Variants in HSPG2 observed in about 807,000 individuals in gnomAD.
HSPG2 encodes the protein basement membrane-specific heparan sulfate proteoglycan core protein.
In HSPG2, 278 loss-of-function variants were observed where a neutral mutation model predicts 526.6. The observed-to-expected ratio is 0.53, with a 90% CI of 0.48 to 0.58. The LOEUF (loss-of-function observed/expected upper bound fraction) is 0.58, where lower values mean the gene tolerates loss of function less well. Ranked by LOEUF, HSPG2 falls within the 20% of genes least tolerant of loss-of-function variation. The probability of loss-of-function intolerance (pLI) is 0.00; values close to 1 mark genes in which losing one functional copy is unlikely to be tolerated. For missense variants in HSPG2, 5,354 were observed against 6,099.5 expected (o/e 0.88, Z 4.07); for synonymous variants, 2,465 against 2,555.4 (o/e 0.96, Z 1.07).
chr1:21,875,809 G>C, intron 24 of HSPG2, 54 bp downstream of exon 24: 1 of 1,608,728 alleles, frequency 6.2e-7, no homozygotes, highest in East Asian at 2.2e-5. Context: ...ATGCCGGAGA[G>C]GCAGGAGCAA....
chr1:21,936,168 G>A (rs368087766), intron 1 of HSPG2, among the ~76,000 whole-genome samples: 237 of 152,212 alleles, frequency 1.6e-3, no homozygotes, highest in African/African-American at 5.3e-3. Context: ...CTCCCCAGAT[G>A]TGCCCCCACC....
intron 33 of HSPG2, among the ~76,000 whole-genome samples, chr1:21,868,413 A>C (rs942786563): frequency 6.6e-6 from 1 of 152,224 alleles, no homozygotes; most frequent in Non-Finnish European, 1.5e-5. Context: ...ATCTAAGGCC[A>C]ATGCCAGCAC....
At position 21,898,207 on chromosome 1, in the gene HSPG2, C is replaced by G. The variant is rs1311348710; in HGVS notation, c.64-1897G>C. On this transcript the variant is annotated intron_variant, in intron 1 of 96. Transcript: ENST00000374695. This position sits in a 1 kb window ranked among gnomAD's most constrained non-coding sequence, Gnocchi z 4.0. Reference sequence around the variant, plus strand: ...CATCTCCTGTCCTAGGCTGTGAGCTCCCTGGATGGGGGAGTGGCTGGGTGC... The same window carrying G: ...CATCTCCTGTCCTAGGCTGTGAGCTGCCTGGATGGGGGAGTGGCTGGGTGC... Among the ~76,000 whole-genome samples, 2 of 152,218 alleles carry G rather than the reference C, an allele frequency of 1.3e-5. No individual in the cohort carries two copies. The highest frequency in any genetic ancestry group is 4.8e-5 in the African/African-American group (2 of 41,446).
At chr1:21,830,120 C>T (rs1311718825) in intron 85 of HSPG2, 29 bp from the exon 86 acceptor site, 1 of 1,542,604 alleles carries the variant, frequency 6.5e-7, no homozygotes, top group Non-Finnish European at 8.8e-7. Flanking sequence ...AGTGAAAAGA[C>T]ACGGAGGTGA....
Position 21,848,728 on chromosome 1 carries a change from AG to A in HSPG2, c.7651del (p.Leu2551TrpfsTer40). The A allele has an allele frequency of 6.2e-7, 1 of 1,613,908 alleles. No homozygotes were observed. Among genetic ancestry groups the A allele is most frequent in the Non-Finnish European group, 8.5e-7 (1 of 1,179,954 alleles). ...GCTGGCAACCAGGCAGTTGAGGTCCAGGGTGTGTCCATTGGCCAGGGAGGCT... is the reference window on the plus strand; with the variant it reads ...GCTGGCAACCAGGCAGTTGAGGTCCAGGTGTGTCCATTGGCCAGGGAGGCT... ...SSASLANGHT[L>X]DLNCLVASQA... On this transcript the variant is annotated frameshift_variant, in exon 59 of 97. Transcript: ENST00000374695. LOFTEE classifies it high-confidence loss of function. The surrounding 1 kb of genome is among the most constrained non-coding windows in gnomAD (Gnocchi z 4.9).
Position 21,848,272 on chromosome 1 carries a change from C to T in HSPG2, c.7738-179G>A, listed in dbSNP as rs151230539. Among the ~76,000 whole-genome samples, 378 of 152,256 alleles carry T rather than the reference C, an allele frequency of 2.5e-3. 2 individuals are homozygous for T. The highest frequency in any genetic ancestry group is 8.3e-3 in the African/African-American group (347 of 41,560). On this transcript the variant is annotated intron_variant, in intron 59 of 96. Transcript: ENST00000374695. This position sits in a 1 kb window ranked among gnomAD's most constrained non-coding sequence, Gnocchi z 4.9. ...CTCTGGGCTGGGGTGGACGTCTAGC[C>T]TTTTGTCACCCCTCCAGAAAGCCTG...
chr1:21,919,710 G>T (rs1247448185), intron 1 of HSPG2, among the ~76,000 whole-genome samples: 1 of 152,140 alleles, frequency 6.6e-6, no homozygotes, highest in African/African-American at 2.4e-5. Context: ...CAGATTCTGA[G>T]TCAGTAGGTC....
Position 21,850,071 on chromosome 1 carries a change from C to T in HSPG2, c.7416G>A (p.Lys2472=), listed in dbSNP as rs766308298. 1.9e-6 allele frequency: 3 copies of T among 1,613,502 alleles called. No homozygotes were observed. The South Asian group carries it at 3.3e-5, about 18-fold the overall frequency. The change falls in exon 57 of 97, where the codon AAG becomes AAA. Residue 2472 remains lysine (K), a synonymous_variant. Transcript: ENST00000374695. ...GCCGGGCCGGGAGGCTGCCCCCGCG[C>T]TTGTGCCACGTGACCTGGGCATGGG... ...GQAHAQVTWH[K]RGGSLPARHQ... is the part of the protein sequence containing the mutation.
At position 21,875,496 on chromosome 1, in the gene HSPG2, T is replaced by A. The variant is rs868349393; in HGVS notation, c.3302+133A>T. ...CCTGTATGGGAGACATTGTTAAGAC[T>A]CTCCGTTTTACAGACAGGGAAAGTG... On this transcript the variant is annotated intron_variant, in intron 25 of 96. Coordinates refer to ENST00000374695, the MANE Select transcript of HSPG2 (RefSeq NM_005529.7). 8.4e-5 allele frequency: 63 copies of A among 751,886 alleles called. No homozygotes were observed. The South Asian group carries it at 9.0e-4, about 11-fold the overall frequency. 46.6% of individuals were successfully genotyped at this position (751,886 alleles called of 1,614,324 possible).
At chr1:21,860,780 T>C (rs1639727889) in intron 39 of HSPG2, among the ~76,000 whole-genome samples, 1 of 152,224 alleles carries the variant, frequency 6.6e-6, no homozygotes, top group Non-Finnish European at 1.5e-5. Context: ...CCACCACGCC[T>C]GGCCAGCAAA....
intron 6 of HSPG2, 37 bp from the exon 7 acceptor site, chr1:21,888,103 G>A (rs369112022): frequency 2.4e-5 from 38 of 1,612,206 alleles, no homozygotes; most frequent in South Asian, 5.5e-5. Flanking sequence ...AGTCAGAGGC[G>A]GCAGGAGGCA....
rs542022272 is a variant in HSPG2 at position 21,880,861 on chromosome 1, G to A, written c.1819-26C>T. On this transcript the variant is annotated intron_variant, in intron 14 of 96. Transcript: ENST00000374695. Reference sequence around the variant, plus strand: ...CTGGCACAACAGGGTGGATCAGCACGGGCAGCTGTGGGCACACTTGACACC... The same window carrying A: ...CTGGCACAACAGGGTGGATCAGCACAGGCAGCTGTGGGCACACTTGACACC... 68 of 1,568,010 alleles carry A rather than the reference G, an allele frequency of 4.3e-5. 1 individual carries two copies. The South Asian group carries it at 5.5e-4, about 13-fold the overall frequency.
rs1380961638 is a variant in HSPG2, at chr1:21,878,719, C to T, written c.2472-56G>A. ...CAGGGCTGGGGTCAGGCTTTCTCCT[C>T]CCACCCTGGGAAATGACTGCTGTCT... is the stretch of plus-strand genomic sequence containing the variant. On this transcript the variant is annotated intron_variant, in intron 18 of 96. Coordinates refer to ENST00000374695, the MANE Select transcript of HSPG2 (RefSeq NM_005529.7). 1.9e-5 allele frequency: 28 copies of T among 1,501,894 alleles called. No homozygotes were observed. In the East Asian group the frequency reaches 5.9e-4, roughly 31 times the overall value. The allele number at this position is 1,501,894 out of a possible 1,614,324, so 93.0% of individuals were successfully genotyped here. A position where few individuals can be genotyped will look rare whatever the true frequency, so the allele number is the denominator to read the frequency against.
chr1:21,885,218 G>A (rs2152760109), intron 10 of HSPG2, 61 bp from the exon 11 acceptor site: 1 of 1,594,476 alleles, frequency 6.3e-7, no homozygotes, highest in Middle Eastern at 1.8e-4. Context: ...CGGAAGGAGG[G>A]CTCCGAGGGG....
At chr1:21,842,712 A>T in intron 67 of HSPG2, 58 bp downstream of exon 67, 1 of 1,607,520 alleles carries the variant, frequency 6.2e-7, no homozygotes, top group South Asian at 1.1e-5. Context: ...GGGTACAGAA[A>T]GCAACTGCAG....
chr1:21,841,376 G>T (rs1034373743), intron 70 of HSPG2, 91 bp from the exon 71 acceptor site: 3 of 1,569,536 alleles, frequency 1.9e-6, no homozygotes, highest in Non-Finnish European at 2.6e-6. Flanking sequence ...ACTGCTGGGT[G>T]GGCACCTGTC....
In HSPG2 at chr1:21,864,765, G is replaced by A. The variant is rs1290334175; in HGVS notation, c.4626+78C>T. On this transcript the variant is annotated intron_variant, in intron 36 of 96. Transcript: ENST00000374695. This position sits in a 1 kb window ranked among gnomAD's most constrained non-coding sequence, Gnocchi z 4.8. The stretch of plus-strand genomic sequence containing the variant: ...CATTATAGTTATGATGGTAATCAAG[G>A]CTGCGGCGACGCCGGCTGATTTGCT... 1 of 1,200,582 alleles carries A rather than the reference G, an allele frequency of 8.3e-7. No individual in the cohort carries two copies. Among genetic ancestry groups the A allele is most frequent in the African/African-American group, 1.5e-5 (1 of 66,606 alleles). The allele number at this position is 1,200,582 out of a possible 1,614,324, so 74.4% of individuals were successfully genotyped here. A position where few individuals can be genotyped will look rare whatever the true frequency, so the allele number is the denominator to read the frequency against.
Position 21,828,542 on chromosome 1 carries a change from TG to T in HSPG2, c.12238-117del. 2 of 1,109,094 alleles carry T rather than the reference TG, an allele frequency of 1.8e-6. No individual in the cohort carries two copies. Among genetic ancestry groups the T allele is most frequent in the Non-Finnish European group, 2.6e-6 (2 of 759,836 alleles). The allele number at this position is 1,109,094 out of a possible 1,614,324, so 68.7% of individuals were successfully genotyped here. ...CTGGGAGCCCACATTGGGCCCTGAG[TG>T]GTAGCATGGATTCTCGGTGTGGGGA... On this transcript the variant is annotated intron_variant, in intron 88 of 96. Transcript: ENST00000374695. This position sits in a 1 kb window ranked among gnomAD's most constrained non-coding sequence, Gnocchi z 6.0.
Position 21,839,244 on chromosome 1 carries a change from C to T in HSPG2, c.9889+127G>A. The T allele has an allele frequency of 1.4e-6, 2 of 1,428,452 alleles. No homozygotes were observed. Among genetic ancestry groups the T allele is most frequent in the South Asian group, 1.2e-5 (1 of 84,678 alleles). The allele number at this position is 1,428,452 out of a possible 1,614,324, so 88.5% of individuals were successfully genotyped here. The stretch of plus-strand genomic sequence containing the variant: ...GCCAGGGTGTGGGTGTCGGGCAGGG[C>T]AGGCTCCAGGACCCTGCAGCGCCTG... On this transcript the variant is annotated intron_variant, in intron 73 of 96. Transcript: ENST00000374695. This position sits in a 1 kb window ranked among gnomAD's most constrained non-coding sequence, Gnocchi z 4.5.
Sources: allele counts gnomAD v4.1 joint callset (sites outside exome capture counted in the v4.1 genomes callset), GRCh38; gene constraint gnomAD v4.1.1; non-coding constraint Gnocchi (gnomAD v3.1); transcripts MANE v1.5; gene names NCBI Gene and HGNC (gene_info 2026-07-23, HGNC 2026-07-21).